FHIP1A: variants seen among roughly 807,000 people sequenced by gnomAD.
FHIP1A encodes FHF complex subunit HOOK interacting protein 1A.
A neutral mutation model predicts 88.6 loss-of-function variants in FHIP1A; 61 were observed. That is an observed-to-expected ratio of 0.69 (90% CI 0.56 to 0.85). The LOEUF (loss-of-function observed/expected upper bound fraction) is 0.85. Among genes scored for constraint, FHIP1A ranks in the 40% least tolerant of loss-of-function variants. FHIP1A has a pLI of 0.00. For missense variants in FHIP1A, 1,154 were observed against 1,273.5 expected (o/e 0.91, Z 1.43); for synonymous variants, 478 against 496.0 (o/e 0.96, Z 0.48).
At chr4:151,509,232 G>A (rs1011197923) in intron 3 of FHIP1A, among the ~76,000 whole-genome samples, 3 of 151,886 alleles carry the variant, frequency 2.0e-5, no homozygotes, top group Admixed American at 6.6e-5. Flanking sequence ...GCGTGATCTC[G>A]GCTCATCACA....
At chr4:151,430,153 A>G (rs1331175110) in intron 1 of FHIP1A, among the ~76,000 whole-genome samples, 1 of 152,160 alleles carries the variant, frequency 6.6e-6, no homozygotes, top group Non-Finnish European at 1.5e-5. Context: ...TGAAGTAAGG[A>G]TGTTTCAGTT....
In FHIP1A at chr4:151,660,182, C is replaced by T. The variant is rs374359896; in HGVS notation, c.2870-2319C>T. The stretch of plus-strand genomic sequence containing the variant: ...GTGACACACTGAAAGGCCAAGACCC[C>T]GGAGGGGAGCCCGGGTCAATGTGCT... On this transcript the variant is annotated intron_variant, in intron 13 of 13. Coordinates refer to ENST00000435205, the MANE Select transcript of FHIP1A (RefSeq NM_001109977.3). Among the ~76,000 whole-genome samples, 69 of 152,282 alleles carry T rather than the reference C, an allele frequency of 4.5e-4. No homozygotes were observed. The East Asian group carries it at 9.8e-3, about 22-fold the overall frequency.
At chr4:151,456,780 C>A (rs966104930) in intron 2 of FHIP1A, among the ~76,000 whole-genome samples, 39 of 151,336 alleles carry the variant, frequency 2.6e-4, no homozygotes, top group African/African-American at 8.7e-4. Flanking sequence ...ATTGGATTCC[C>A]AGAGCAGAGG....
intron 13 of FHIP1A, among the ~76,000 whole-genome samples, chr4:151,661,571 T>C (rs1176624803): frequency 2.0e-5 from 3 of 152,082 alleles, no homozygotes; most frequent in African/African-American, 7.3e-5. Context: ...AGAACTTGAA[T>C]ATAATGATTT....
At position 151,566,453 on chromosome 4, in the gene FHIP1A, G is replaced by A. The variant is rs540199732; in HGVS notation, c.105+89G>A. ...ATCAGGGTTTTCTACCTCTGTGATA[G>A]GTAACTAGATTGCTAGAAACACAGG... On this transcript the variant is annotated intron_variant, in intron 4 of 13. Transcript: ENST00000435205. 9.6e-5 allele frequency: 68 copies of A among 706,240 alleles called. No individual in the cohort carries two copies. In the African/African-American group the frequency reaches 1.1e-3, roughly 12 times the overall value. 43.7% of individuals were successfully genotyped at this position (706,240 alleles called of 1,614,324 possible).
chr4:151,409,968 G>T (rs1479785120), intron 1 of FHIP1A, among the ~76,000 whole-genome samples: 1 of 152,136 alleles, frequency 6.6e-6, no homozygotes, highest in Non-Finnish European at 1.5e-5. Context: ...GCTCAATTTC[G>T]TAAATTCTGT....
chr4:151,491,742 C>T (rs908938962), intron 3 of FHIP1A, among the ~76,000 whole-genome samples: 4 of 152,128 alleles, frequency 2.6e-5, no homozygotes, highest in Non-Finnish European at 5.9e-5. Context: ...CTGCTGTCTT[C>T]AAGAGACTCA....
rs1736985570 is a variant in FHIP1A, at chr4:151,650,424, G to A, written c.2383G>A (p.Glu795Lys). ...AGAAGGGAAGGAAGAGAGTAAAGGAGAAAAGGAGAAGGAGGGGAAGAAGGA... is the reference window on the plus strand; with the variant it reads ...AGAAGGGAAGGAAGAGAGTAAAGGAAAAAAGGAGAAGGAGGGGAAGAAGGA... Reference protein sequence around the residue: ...EEEGKEESKGEKEKEGKKELE... With the variant: ...EEEGKEESKGKKEKEGKKELE... The change falls in exon 11 of 14, where the codon GAA becomes AAA. Residue 795 changes from glutamate (E) to lysine (K), a missense_variant. Coordinates refer to ENST00000435205, the MANE Select transcript of FHIP1A (RefSeq NM_001109977.3). The A allele has an allele frequency of 1.3e-6, 2 of 1,551,598 alleles. No individual in the cohort carries two copies. Among genetic ancestry groups the A allele is most frequent in the Non-Finnish European group, 8.7e-7 (1 of 1,146,968 alleles).
At chr4:151,508,655 C>T (rs1468580532) in intron 3 of FHIP1A, among the ~76,000 whole-genome samples, 15 of 152,158 alleles carry the variant, frequency 9.9e-5, no homozygotes, top group Admixed American at 9.8e-4. Flanking sequence ...AAGTTTGACA[C>T]TTTTACTCTT....
intron 3 of FHIP1A, among the ~76,000 whole-genome samples, chr4:151,511,460 C>A (rs549778586): frequency 1.3e-5 from 2 of 152,182 alleles, no homozygotes; most frequent in Non-Finnish European, 2.9e-5. Flanking sequence ...GCGCACCGTG[C>A]GCGAGCCGAA....
Position 151,650,278 on chromosome 4 carries a change from C to T in FHIP1A, c.2237C>T (p.Pro746Leu), listed in dbSNP as rs770265826. 66 of 1,551,700 alleles carry T rather than the reference C, an allele frequency of 4.3e-5. No individual in the cohort carries two copies. The South Asian group carries it at 5.4e-4, about 13-fold the overall frequency. ...EHSSNLTAAH[P>L]ESEELIAQYD... is the part of the protein sequence containing the mutation. ...AGCTCTAACCTGACAGCCGCCCACC[C>T]GGAGAGCGAGGAGCTCATTGCCCAG... Residue 746 changes from proline (P) to leucine (L), a missense_variant, in exon 11 of 14, where the codon CCG becomes CTG. Coordinates refer to ENST00000435205, the MANE Select transcript of FHIP1A (RefSeq NM_001109977.3).
At chr4:151,446,109 C>T (rs1396667603) in intron 1 of FHIP1A, among the ~76,000 whole-genome samples, 1 of 151,756 alleles carries the variant, frequency 6.6e-6, no homozygotes, top group Non-Finnish European at 1.5e-5. Flanking sequence ...TACCAGGATA[C>T]AGTATATCAG....
At chr4:151,560,998 T>G (rs1172584259) in intron 3 of FHIP1A, among the ~76,000 whole-genome samples, 1 of 152,220 alleles carries the variant, frequency 6.6e-6, no homozygotes, top group Non-Finnish European at 1.5e-5. Flanking sequence ...TTCACATTTA[T>G]TCTGCTCATC....
At chr4:151,632,575 A>C (rs917398019) in intron 8 of FHIP1A, among the ~76,000 whole-genome samples, 5 of 152,234 alleles carry the variant, frequency 3.3e-5, no homozygotes, top group African/African-American at 1.2e-4. Context: ...AGGATAGACC[A>C]CTTGTTAGGT....
chr4:151,519,667 T>C (rs1731384869), intron 3 of FHIP1A, among the ~76,000 whole-genome samples: 1 of 152,168 alleles, frequency 6.6e-6, no homozygotes, highest in South Asian at 2.1e-4. Context: ...TTTGGGTAAA[T>C]ACCCAGGAAT....
chr4:151,590,673 T>C (rs1734391700), intron 7 of FHIP1A, among the ~76,000 whole-genome samples: 1 of 152,228 alleles, frequency 6.6e-6, no homozygotes, highest in African/African-American at 2.4e-5. Flanking sequence ...AATGGAATGC[T>C]TGTTAAAGTG....
intron 3 of FHIP1A, among the ~76,000 whole-genome samples, chr4:151,550,865 T>A (rs1366074417): frequency 6.6e-6 from 1 of 152,200 alleles, no homozygotes; most frequent in Admixed American, 6.5e-5. Context: ...AGGATGATGT[T>A]GGACAACCAT....
At chr4:151,419,352 T>C (rs1733026251) in intron 1 of FHIP1A, among the ~76,000 whole-genome samples, 1 of 152,210 alleles carries the variant, frequency 6.6e-6, no homozygotes, top group Non-Finnish European at 1.5e-5. Context: ...TTGTCTCTCT[T>C]GGGTCTCCAG....
At chr4:151,466,992 A>G (rs564903648) in intron 2 of FHIP1A, among the ~76,000 whole-genome samples, 13 of 152,248 alleles carry the variant, frequency 8.5e-5, no homozygotes, top group Non-Finnish European at 1.6e-4. Flanking sequence ...ATGTAATTAA[A>G]CTAAAGAGCT....
Sources: allele counts gnomAD v4.1 joint callset (sites outside exome capture counted in the v4.1 genomes callset), GRCh38; gene constraint gnomAD v4.1.1; transcripts MANE v1.5; gene names NCBI Gene and HGNC (gene_info 2026-07-23, HGNC 2026-07-21).